The following RNF150 variants were observed in gnomAD, a reference collection of about 807,000 sequenced individuals.
The protein encoded by RNF150 is ring finger protein 150.
RNF150 carries 24 observed loss-of-function variants against 39.3 expected under a neutral mutation model. That is an observed-to-expected ratio of 0.61 (90% CI 0.44 to 0.86). The LOEUF (loss-of-function observed/expected upper bound fraction) is 0.86. Among genes scored for constraint, RNF150 ranks in the 40% least tolerant of loss-of-function variants. The pLI is 0.00. For synonymous variants in RNF150, 255 were observed against 227.3 expected, an observed-to-expected ratio of 1.12 and a Z score of -1.10; for missense variants, 502 against 587.8, an observed-to-expected ratio of 0.85 and a Z score of 1.51.
chr4:141,200,720 T>C (rs1258595925), intron 1 of RNF150, among the ~76,000 whole-genome samples: 1 of 152,138 alleles, frequency 6.6e-6, no homozygotes, highest in South Asian at 2.1e-4. Flanking sequence ...AAAAAATGTA[T>C]GAAAATAAAG....
intron 1 of RNF150, among the ~76,000 whole-genome samples, chr4:140,998,176 C>G (rs73858687): frequency 2.6e-5 from 4 of 152,224 alleles, no homozygotes; most frequent in Admixed American, 2.6e-4. Flanking sequence ...GCAGATTTTA[C>G]TGAGTGGCTG....
chr4:140,976,447 T>C (rs1369692004), intron 1 of RNF150, among the ~76,000 whole-genome samples: 1 of 151,984 alleles, frequency 6.6e-6, no homozygotes, highest in Admixed American at 6.6e-5. Context: ...TACTCGAGCC[T>C]GTCCATTGCT....
chr4:141,143,290 T>C (rs1316339965), intron 1 of RNF150, among the ~76,000 whole-genome samples: 1 of 152,208 alleles, frequency 6.6e-6, no homozygotes, highest in African/African-American at 2.4e-5. Context: ...CAAAATTATG[T>C]CAAATACTGA....
intron 1 of RNF150, among the ~76,000 whole-genome samples, chr4:140,983,560 G>T (rs1000266348): frequency 6.6e-6 from 1 of 151,022 alleles, no homozygotes; most frequent in African/African-American, 2.4e-5. Context: ...CTCATGTAGG[G>T]CACTTCAGGG....
intron 6 of RNF150, among the ~76,000 whole-genome samples, chr4:140,899,974 C>CTCTCTCTCTCTCTCTCTCTCTGTG (rs1365683071): frequency 2.7e-4 from 19 of 69,202 alleles, no homozygotes; most frequent in African/African-American, 6.9e-4. Context: ...CTCTCTCTCT[C>CTCTCTCTCTCTCTCTCTCTCTGTG]TGTGTGTGTG....
At chr4:141,049,553 T>C (rs898757304) in intron 1 of RNF150, among the ~76,000 whole-genome samples, 1 of 152,122 alleles carries the variant, frequency 6.6e-6, no homozygotes, top group African/African-American at 2.4e-5. Context: ...TTAACACATT[T>C]TGAATACTTA....
intron 1 of RNF150, among the ~76,000 whole-genome samples, chr4:141,163,595 T>G (rs561788407): frequency 1.5e-4 from 23 of 152,174 alleles, no homozygotes; most frequent in Non-Finnish European, 3.2e-4. Flanking sequence ...GGATGAAGCT[T>G]CCAGAGGAAG....
chr4:140,862,488 C>G lies in RNF150; in HGVS notation c.*5773G>C, dbSNP rs890397286. The G allele has an allele frequency of 2.0e-4, 30 of 152,166 alleles. No individual in the cohort carries two copies. The allele number at this position is 152,166 out of a possible 1,614,324, so 9.4% of individuals were successfully genotyped here. A position where few individuals can be genotyped will look rare whatever the true frequency, so the allele number is the denominator to read the frequency against. ...CAAATTGCTCGATATTAAGGGGCCA[C>G]GTCTAGCATCTGGACTTGCTTCATT... On this transcript the variant is annotated 3_prime_UTR_variant, in exon 7 of 7. Transcript: ENST00000515673.
At chr4:141,077,893 C>T (rs980272391) in intron 1 of RNF150, among the ~76,000 whole-genome samples, 2 of 152,172 alleles carry the variant, frequency 1.3e-5, no homozygotes, top group Admixed American at 6.6e-5. Context: ...GCTTTTCTGC[C>T]CATTATGGTT....
chr4:140,952,525 C>T (rs1732580168), intron 2 of RNF150, among the ~76,000 whole-genome samples: 1 of 152,164 alleles, frequency 6.6e-6, no homozygotes, highest in Admixed American at 6.5e-5. Context: ...AACATCCGCT[C>T]AGTCTCTTCT....
At chr4:141,007,813 T>G (rs1266657502) in intron 1 of RNF150, among the ~76,000 whole-genome samples, 1 of 152,214 alleles carries the variant, frequency 6.6e-6, no homozygotes, top group Non-Finnish European at 1.5e-5. Context: ...TGCATCTGGT[T>G]GATCCCAGAG....
intron 1 of RNF150, among the ~76,000 whole-genome samples, chr4:141,124,324 G>A (rs1329625532): frequency 6.6e-6 from 1 of 152,222 alleles, no homozygotes; most frequent in Non-Finnish European, 1.5e-5. Context: ...TGGGTAACAT[G>A]CAGCAGGGGT....
chr4:141,099,041 C>A (rs1451986568), intron 1 of RNF150, among the ~76,000 whole-genome samples: 1 of 152,114 alleles, frequency 6.6e-6, no homozygotes, highest in Non-Finnish European at 1.5e-5. Context: ...TGATTCTTCT[C>A]CCTGTCTCCA....
chr4:141,106,345 T>A (rs1262415167), intron 1 of RNF150, among the ~76,000 whole-genome samples: 3 of 152,314 alleles, frequency 2.0e-5, no homozygotes, highest in Non-Finnish European at 4.4e-5. Context: ...ATAGTAGGTG[T>A]TCGATTAACA....
intron 1 of RNF150, among the ~76,000 whole-genome samples, chr4:141,128,348 A>G (rs780148564): frequency 6.6e-6 from 1 of 152,198 alleles, no homozygotes; most frequent in Non-Finnish European, 1.5e-5. Context: ...AAGACCTGGG[A>G]GGTTAACTTG....
In RNF150 at chr4:140,982,108, C is replaced by G. The variant is rs1220324950; in HGVS notation, c.485-14235G>C. ...CCATTTTGGCTATTTCATCATTGGTCAACGAATATACAGCAGGAGCCTCAC... is the reference window on the plus strand; with the variant it reads ...CCATTTTGGCTATTTCATCATTGGTGAACGAATATACAGCAGGAGCCTCAC... On this transcript the variant is annotated intron_variant, in intron 1 of 6. Coordinates refer to ENST00000515673, the MANE Select transcript of RNF150 (RefSeq NM_020724.2). Among the ~76,000 whole-genome samples, 3 of 152,272 alleles carry G rather than the reference C, an allele frequency of 2.0e-5. No homozygotes were observed. In the South Asian group the frequency reaches 6.2e-4, roughly 32 times the overall value.
At chr4:141,133,472 T>TTG (rs747971541), upstream of RNF150, 10,091 of 153,568 alleles carry the variant, frequency 0.066, 444 homozygotes, top group African/African-American at 0.12. Context: ...GTCTGTATGT[T>TTG]TGTGTGTGTG....
chr4:140,935,667 A>T (rs992315097), intron 4 of RNF150, among the ~76,000 whole-genome samples: 9 of 152,236 alleles, frequency 5.9e-5, no homozygotes, highest in Admixed American at 1.3e-4. Context: ...AAAAACGATA[A>T]GAAAACACTT....
At chr4:140,941,828 AT>A (rs1732094063) in intron 4 of RNF150, among the ~76,000 whole-genome samples, 1 of 152,204 alleles carries the variant, frequency 6.6e-6, no homozygotes, top group Non-Finnish European at 1.5e-5. Flanking sequence ...ATATAAATAT[AT>A]AAAATTATCA....
Sources: allele counts gnomAD v4.1 joint callset (sites outside exome capture counted in the v4.1 genomes callset), GRCh38; gene constraint gnomAD v4.1.1; transcripts MANE v1.5; gene names NCBI Gene and HGNC (gene_info 2026-07-23, HGNC 2026-07-21).